CLMN: variants seen among roughly 807,000 people sequenced by gnomAD.
CLMN encodes the protein calmin, also known as calmin (calponin-like, transmembrane).
In CLMN, 57 loss-of-function variants were observed where a neutral mutation model predicts 92.7. The ratio of observed to expected loss-of-function variants is 0.61; its 90% CI spans 0.50 to 0.77. The LOEUF is 0.77. Among genes scored for constraint, CLMN ranks in the 30% least tolerant of loss-of-function variants. The pLI, the probability that CLMN is intolerant of heterozygous loss-of-function variation, is 0.00. For missense variants in CLMN, 1,158 were observed against 1,237.5 expected (o/e 0.94, Z 0.96); for synonymous variants, 466 against 470.6 (o/e 0.99, Z 0.13).
At chr14:95,193,221 T>C in intron 12 of CLMN, 1 of 752,786 alleles carries the variant, frequency 1.3e-6, no homozygotes, top group Non-Finnish European at 2.2e-6. Flanking sequence ...TGTAAGAATT[T>C]GAGACGTTTT....
intron 1 of CLMN, among the ~76,000 whole-genome samples, chr14:95,289,707 G>A (rs940000571): frequency 1.3e-5 from 2 of 152,058 alleles, no homozygotes; most frequent in Admixed American, 6.6e-5. Flanking sequence ...CCCATTCCTG[G>A]GCTGCCCACT....
At chr14:95,195,829 G>T (rs982276184) in intron 10 of CLMN, among the ~76,000 whole-genome samples, 2 of 152,094 alleles carry the variant, frequency 1.3e-5, no homozygotes, top group Non-Finnish European at 2.9e-5. Context: ...GAGAGACCAG[G>T]GTCTTCTGAT....
chr14:95,279,508 G>A (rs1900062180), intron 1 of CLMN, among the ~76,000 whole-genome samples: 1 of 152,234 alleles, frequency 6.6e-6, no homozygotes, highest in African/African-American at 2.4e-5. Context: ...TTACTGGCCA[G>A]GGCGGTGGCT....
At chr14:95,304,674 T>C (rs1225110793) in intron 1 of CLMN, among the ~76,000 whole-genome samples, 1 of 152,126 alleles carries the variant, frequency 6.6e-6, no homozygotes, top group African/African-American at 2.4e-5. Flanking sequence ...ATTGTACTGA[T>C]TGTACAGATT....
chr14:95,207,635 A>G (rs1043013969), intron 8 of CLMN, among the ~76,000 whole-genome samples: 2 of 152,206 alleles, frequency 1.3e-5, no homozygotes, highest in Non-Finnish European at 2.9e-5. Context: ...CACATTCAAT[A>G]GATACACATT....
chr14:95,296,420 C>G (rs1181969442), intron 1 of CLMN, among the ~76,000 whole-genome samples: 1 of 152,234 alleles, frequency 6.6e-6, no homozygotes, highest in Non-Finnish European at 1.5e-5. Context: ...TGTTGGTTGC[C>G]TTCCCCACCC....
At position 95,299,028 on chromosome 14, in the gene CLMN, CATATGTTTATTCATTT is replaced by C. The variant is rs1358118753; in HGVS notation, c.82+20667_82+20682del. Among the ~76,000 whole-genome samples, 4 of 152,300 alleles carry C rather than the reference CATATGTTTATTCATTT, an allele frequency of 2.6e-5. No individual in the cohort carries two copies. In the East Asian group the frequency reaches 7.7e-4, roughly 29 times the overall value. ...TCATTTATTTATATGTTTATTCATT[CATATGTTTATTCATTT>C]ACACATTTATTGAGTGCCCTCTATG... On this transcript the variant is annotated intron_variant, in intron 1 of 12. Coordinates refer to ENST00000298912, the MANE Select transcript of CLMN (RefSeq NM_024734.4).
chr14:95,207,936 A>G (rs1897091200), intron 8 of CLMN, among the ~76,000 whole-genome samples: 1 of 152,212 alleles, frequency 6.6e-6, no homozygotes, highest in Non-Finnish European at 1.5e-5. Context: ...TCCAAACCCC[A>G]GCTCTGTGCT....
chr14:95,277,911 G>A (rs1377154402), intron 1 of CLMN, among the ~76,000 whole-genome samples: 1 of 152,248 alleles, frequency 6.6e-6, no homozygotes, highest in African/African-American at 2.4e-5. Flanking sequence ...ACAGGCGTGA[G>A]CCACTGTGCC....
At chr14:95,278,292 T>G (rs1465345995) in intron 1 of CLMN, among the ~76,000 whole-genome samples, 1 of 152,222 alleles carries the variant, frequency 6.6e-6, no homozygotes, top group Non-Finnish European at 1.5e-5. Context: ...AAACTCAGCT[T>G]AATTAAAAAC....
At chr14:95,262,724 G>T (rs1014889700) in intron 1 of CLMN, among the ~76,000 whole-genome samples, 1 of 152,034 alleles carries the variant, frequency 6.6e-6, no homozygotes, top group Non-Finnish European at 1.5e-5. Context: ...GTGCCACCAT[G>T]CCCGGCTAAT....
At chr14:95,221,853 T>TTG in intron 3 of CLMN, 79 bp from the exon 4 acceptor site, 6 of 1,362,434 alleles carry the variant, frequency 4.4e-6, no homozygotes, top group Non-Finnish European at 6.1e-6. Context: ...CTGCTGGGTG[T>TTG]GCTTTACTTT....
Position 95,288,094 on chromosome 14 carries a change from G to T in CLMN, c.82+31617C>A, listed in dbSNP as rs557631286. On this transcript the variant is annotated intron_variant, in intron 1 of 12. Transcript: ENST00000298912. ...GATCTCACAACCACAGCATAGTGGG[G>T]CCTGGAAGAGCACATGGGCTTTCTA... Among the ~76,000 whole-genome samples the T allele has an allele frequency of 3.3e-5, 5 of 152,304 alleles. No individual in the cohort carries two copies. The South Asian group carries it at 1.0e-3, about 32-fold the overall frequency.
In CLMN at chr14:95,294,151, G is replaced by A. The variant is rs1038600517; in HGVS notation, c.82+25560C>T. On this transcript the variant is annotated intron_variant, in intron 1 of 12. Transcript: ENST00000298912. The surrounding 1 kb of genome is among the most constrained non-coding windows in gnomAD (Gnocchi z 4.2). ...GCAGTCAGCCTGCCTGCCAAAGAAT[G>A]GGTGGGGGAGTGGGCTGGATTCACT... Among the ~76,000 whole-genome samples the A allele has an allele frequency of 2.6e-5, 4 of 152,226 alleles. No individual in the cohort carries two copies. Among genetic ancestry groups the A allele is most frequent in the Admixed American group, 2.6e-4 (4 of 15,286 alleles).
At chr14:95,297,776 CTG>C (rs1310983628) in intron 1 of CLMN, among the ~76,000 whole-genome samples, 5 of 151,192 alleles carry the variant, frequency 3.3e-5, no homozygotes, top group African/African-American at 1.2e-4. Flanking sequence ...GACGTTTGGA[CTG>C]TGCCCAGTTT....
In CLMN at chr14:95,203,746, C is replaced by A. The variant is rs1233677766; in HGVS notation, c.1603G>T (p.Ala535Ser). Residue 535 changes from alanine (A) to serine (S), a missense_variant, in exon 9 of 13, where the codon GCC (alanine) becomes TCC (serine). Coordinates refer to ENST00000298912, the MANE Select transcript of CLMN (RefSeq NM_024734.4). ...TTAACCTTGATCTGGAAGGAATCGG[C>A]CATCACAGTATTTTCTCCTGGGGGT... ...LSPPGENTVMADSFQIKVNLM... is the reference protein window; with the variant it reads ...LSPPGENTVMSDSFQIKVNLM... 6.2e-7 allele frequency: 1 copy of A among 1,614,142 alleles called. No individual in the cohort carries two copies. The highest frequency in any genetic ancestry group is 8.5e-7 in the Non-Finnish European group (1 of 1,180,024).
At chr14:95,291,911 G>A (rs945298960) in intron 1 of CLMN, among the ~76,000 whole-genome samples, 7 of 151,684 alleles carry the variant, frequency 4.6e-5, no homozygotes, top group Non-Finnish European at 1.0e-4. Flanking sequence ...AACACAAAGT[G>A]AAAAAAAATA....
chr14:95,287,759 G>C (rs1900398342), intron 1 of CLMN, among the ~76,000 whole-genome samples: 1 of 152,150 alleles, frequency 6.6e-6, no homozygotes, highest in Non-Finnish European at 1.5e-5. Context: ...CTGGGATTCT[G>C]GGTCTTTCTT....
At chr14:95,300,577 C>T (rs1566922026) in intron 1 of CLMN, among the ~76,000 whole-genome samples, 1 of 152,204 alleles carries the variant, frequency 6.6e-6, no homozygotes, top group Non-Finnish European at 1.5e-5. Context: ...TGTCCATGAG[C>T]CACGCTGCTG....
Sources: gnomAD v4.1 joint callset for allele counts (sites outside exome capture counted in the v4.1 genomes callset) on GRCh38, gnomAD v4.1.1 for gene constraint, Gnocchi (gnomAD v3.1) non-coding constraint, MANE v1.5 for transcripts, NCBI Gene and HGNC (gene_info 2026-07-23, HGNC 2026-07-21) for gene names.